The following HSD17B12 variants were observed in gnomAD, a reference collection of about 807,000 sequenced individuals.
HSD17B12 encodes the protein very-long-chain 3-oxoacyl-CoA reductase.
HSD17B12 carries 32 observed loss-of-function variants against 39.3 expected under a neutral mutation model. That is an observed-to-expected ratio of 0.81 (90% CI 0.61 to 1.09). The LOEUF (loss-of-function observed/expected upper bound fraction) is 1.09. HSD17B12 is among the 50% of genes least tolerant of loss of function. The probability of loss-of-function intolerance (pLI) is 0.00; values close to 1 mark genes in which losing one functional copy is unlikely to be tolerated. For synonymous variants in HSD17B12, 150 were observed against 146.7 expected (o/e 1.02, Z -0.16); for missense variants, 342 against 382.9 (o/e 0.89, Z 0.89).
At chr11:43,589,434 C>T in the HSD17B12 span, among the ~76,000 whole-genome samples, 2 of 152,116 alleles carry the variant, frequency 1.3e-5, no homozygotes, top group African/African-American at 2.4e-5. Flanking sequence ...ACCAATTGTC[C>T]CCTGAACCTG....
intron 1 of HSD17B12, among the ~76,000 whole-genome samples, chr11:43,684,717 C>T (rs1259713140): frequency 1.3e-5 from 2 of 151,992 alleles, no homozygotes; most frequent in East Asian, 3.9e-4. Context: ...ATTAATATAC[C>T]ATACAATTTG....
intron 1 of HSD17B12, among the ~76,000 whole-genome samples, chr11:43,692,102 T>C (rs1373276900): frequency 6.6e-6 from 1 of 152,244 alleles, no homozygotes; most frequent in Non-Finnish European, 1.5e-5. Context: ...CGTGTGTATG[T>C]ATATGTGTGC....
chr11:43,660,412 A>G, the HSD17B12 span, among the ~76,000 whole-genome samples: 2 of 152,200 alleles, frequency 1.3e-5, no homozygotes, highest in African/African-American at 4.8e-5. Flanking sequence ...GAAATGTTTA[A>G]ACATGAAAAG....
chr11:43,845,811 TG>T (rs1951470276), intron 9 of HSD17B12, among the ~76,000 whole-genome samples: 1 of 152,216 alleles, frequency 6.6e-6, no homozygotes, highest in South Asian at 2.1e-4. Flanking sequence ...CAAGCAACTG[TG>T]GGGAGACCCT....
chr11:43,581,594 G>A, the HSD17B12 span: 1 of 390,574 alleles, frequency 2.6e-6, no homozygotes, highest in South Asian at 1.8e-5. This position sits in a 1 kb window ranked among gnomAD's most constrained non-coding sequence, Gnocchi z 4.9. Context: ...CGGAAGATTC[G>A]GCCCTTTCCC....
chr11:43,793,711 C>T (rs1950890596), intron 3 of HSD17B12, among the ~76,000 whole-genome samples: 1 of 152,116 alleles, frequency 6.6e-6, no homozygotes, highest in African/African-American at 2.4e-5. Context: ...TTTGAGGGTT[C>T]AGTTCCTTTT....
intron 3 of HSD17B12, among the ~76,000 whole-genome samples, chr11:43,764,373 TTTTG>T: frequency 6.6e-6 from 1 of 152,158 alleles, no homozygotes; most frequent in Non-Finnish European, 1.5e-5. Flanking sequence ...TGTCTAATAA[TTTTG>T]AGTTTTTTTC....
At chr11:43,730,737 G>A (rs916365460) in intron 1 of HSD17B12, among the ~76,000 whole-genome samples, 2 of 152,126 alleles carry the variant, frequency 1.3e-5, no homozygotes, top group East Asian at 1.9e-4. Context: ...CTAGGGGTGT[G>A]CTGGGCCTCA....
At chr11:43,711,187 A>C (rs1010288706) in intron 1 of HSD17B12, among the ~76,000 whole-genome samples, 6 of 152,200 alleles carry the variant, frequency 3.9e-5, no homozygotes, top group Admixed American at 3.3e-4. Context: ...TCTATAAACT[A>C]CCTTTGAATC....
the HSD17B12 span, among the ~76,000 whole-genome samples, chr11:43,660,284 G>A: frequency 4.6e-5 from 7 of 152,116 alleles, no homozygotes; most frequent in South Asian, 4.1e-4. Context: ...AAAGCTTGCC[G>A]TGTGTTATTA....
chr11:43,586,653 A>C, the HSD17B12 span, among the ~76,000 whole-genome samples: 6 of 152,278 alleles, frequency 3.9e-5, 1 homozygote, highest in East Asian at 1.2e-3. Flanking sequence ...GCTGCAGATC[A>C]CCTGCTTGTA....
intron 6 of HSD17B12, among the ~76,000 whole-genome samples, chr11:43,820,385 G>A (rs1951170175): frequency 6.6e-6 from 1 of 152,186 alleles, no homozygotes; most frequent in Non-Finnish European, 1.5e-5. Flanking sequence ...CCCAGGTTTA[G>A]GACTCTTTGG....
chr11:43,691,873 T>G (rs1949866151), intron 1 of HSD17B12, among the ~76,000 whole-genome samples: 1 of 152,200 alleles, frequency 6.6e-6, no homozygotes, highest in South Asian at 2.1e-4. Context: ...TTTTGGTGGT[T>G]GTTGCATGTT....
intron 1 of HSD17B12, among the ~76,000 whole-genome samples, chr11:43,709,041 G>A (rs1245974072): frequency 6.6e-6 from 1 of 152,242 alleles, no homozygotes; most frequent in Admixed American, 6.5e-5. Context: ...AGGAGAGGAT[G>A]TAACACAGCC....
intron 1 of HSD17B12, among the ~76,000 whole-genome samples, chr11:43,740,042 A>G (rs975230290): frequency 2.6e-5 from 4 of 152,160 alleles, no homozygotes; most frequent in African/African-American, 9.7e-5. Context: ...GGCTGTTAAC[A>G]GTAGTTCTTG....
At chr11:43,643,357 T>A in the HSD17B12 span, among the ~76,000 whole-genome samples, 1 of 152,152 alleles carries the variant, frequency 6.6e-6, no homozygotes, top group South Asian at 2.1e-4. Flanking sequence ...TTTAAACTCT[T>A]ATTTTTAATT....
At chr11:43,592,301 T>TG in the HSD17B12 span, among the ~76,000 whole-genome samples, 1 of 152,048 alleles carries the variant, frequency 6.6e-6, no homozygotes, top group Admixed American at 6.6e-5. Context: ...TGTGTGTGTG[T>TG]TTTTTTAATG....
At chr11:43,824,521 T>C (rs1951213495) in intron 6 of HSD17B12, among the ~76,000 whole-genome samples, 1 of 152,150 alleles carries the variant, frequency 6.6e-6, no homozygotes, top group Non-Finnish European at 1.5e-5. Flanking sequence ...TCTTCATAGA[T>C]GGAGCCTTCT....
At chr11:43,672,079 C>T in the HSD17B12 span, among the ~76,000 whole-genome samples, 25,663 of 152,042 alleles carry the variant, frequency 0.17, 2,528 homozygotes, top group Middle Eastern at 0.26. Context: ...GACCGAGTCT[C>T]GCTCTGTCGC....
Sources: allele counts gnomAD v4.1 joint callset (sites outside exome capture counted in the v4.1 genomes callset), GRCh38; gene constraint gnomAD v4.1.1; non-coding constraint Gnocchi (gnomAD v3.1); transcripts MANE v1.5; gene names NCBI Gene and HGNC (gene_info 2026-07-23, HGNC 2026-07-21).